Variants in USP50 observed in about 807,000 individuals in gnomAD.
USP50 encodes ubiquitin carboxyl-terminal hydrolase 50.
USP50 carries 37 observed loss-of-function variants against 39.2 expected under a neutral mutation model. The ratio of observed to expected loss-of-function variants is 0.94; its 90% CI spans 0.73 to 1.24. The LOEUF (loss-of-function observed/expected upper bound fraction) is 1.24, where lower values mean the gene tolerates loss of function less well. Ranked by LOEUF, USP50 falls within the 50% of genes most tolerant of loss-of-function variation. USP50 has a pLI of 0.00. For synonymous variants in USP50, 139 were observed against 144.5 expected (o/e 0.96, Z 0.27); for missense variants, 374 against 398.2 (o/e 0.94, Z 0.52).
intron 6 of USP50, chr15:50,509,132 CAAAAAAAAAAAAAAAAAAA>C (rs57125859): frequency 2.4e-5 from 1 of 41,378 alleles, no homozygotes; most frequent in Non-Finnish European, 4.1e-5. Context: ...GACTCCGTCA[CAAAAAAAAAAAAAAAAAAA>C]AAAAAAAAAA....
chr15:50,541,567 T>C (rs1431210974), intron 3 of USP50, among the ~76,000 whole-genome samples: 1 of 152,092 alleles, frequency 6.6e-6, no homozygotes, highest in East Asian at 1.9e-4. Flanking sequence ...TCTATCAGAA[T>C]GAGACATTGC....
Position 50,533,788 on chromosome 15 carries a change from G to A in USP50, c.804-3859C>T, listed in dbSNP as rs143182826. Among the ~76,000 whole-genome samples, 413 of 152,276 alleles carry A rather than the reference G, an allele frequency of 2.7e-3. 4 individuals are homozygous for A. The highest frequency in any genetic ancestry group is 9.5e-3 in the African/African-American group (393 of 41,536). On this transcript the variant is annotated intron_variant, in intron 5 of 6. Coordinates refer to ENST00000532404, the MANE Select transcript of USP50 (RefSeq NM_203494.5). ...GGCCAAGGCAGGTGGATCACTTGAGGTCAGGAGTTCAAAACCACCCTGTTC... is the reference window on the plus strand; with the variant it reads ...GGCCAAGGCAGGTGGATCACTTGAGATCAGGAGTTCAAAACCACCCTGTTC...
Position 50,541,004 on chromosome 15 carries a change from TGA to T in USP50, c.660+43_660+44del, listed in dbSNP as rs761047450. ...AAACAGCCCCGAGAAAATCCGGGGC[TGA>T]GAGTATAGCGAGACAAAGTGTCCAG... is the stretch of plus-strand genomic sequence containing the variant. On this transcript the variant is annotated intron_variant, in intron 4 of 6. Coordinates refer to ENST00000532404, the MANE Select transcript of USP50 (RefSeq NM_203494.5). 5 of 1,473,324 alleles carry T rather than the reference TGA, an allele frequency of 3.4e-6. No homozygotes were observed. The East Asian group carries it at 9.1e-5, about 27-fold the overall frequency. 91.3% of individuals were successfully genotyped at this position (1,473,324 alleles called of 1,614,324 possible).
intron 6 of USP50, among the ~76,000 whole-genome samples, chr15:50,516,412 A>C (rs1377071431): frequency 2.0e-5 from 3 of 152,096 alleles, no homozygotes; most frequent in Non-Finnish European, 4.4e-5. Flanking sequence ...CAGACTGCCC[A>C]AAGAGACCAG....
chr15:50,497,247 T>G (rs116360546), downstream of USP50: 3,016 of 1,593,092 alleles, frequency 1.9e-3, 52 homozygotes, highest in African/African-American at 0.038. Context: ...GGGGAAAGTT[T>G]GTCCTCCTGT....
chr15:50,495,043 C>T (rs1376591956), intron 1 of USP50, among the ~76,000 whole-genome samples: 1 of 151,430 alleles, frequency 6.6e-6, no homozygotes, highest in Non-Finnish European at 1.5e-5. Flanking sequence ...AAAAATTACT[C>T]CATGTAACCA....
intron 3 of USP50, among the ~76,000 whole-genome samples, chr15:50,542,178 G>A (rs970618002): frequency 2.0e-5 from 3 of 152,110 alleles, no homozygotes; most frequent in African/African-American, 7.2e-5. Flanking sequence ...TGAATTTTCA[G>A]TGATTTAAGA....
chr15:50,532,203 A>T (rs894357584), intron 5 of USP50: 1 of 456,164 alleles, frequency 2.2e-6, no homozygotes. Flanking sequence ...CACGGTAAAT[A>T]TTAGAGACAA....
At chr15:50,518,022 A>C (rs146825789) in intron 6 of USP50, among the ~76,000 whole-genome samples, 18 of 152,326 alleles carry the variant, frequency 1.2e-4, no homozygotes, top group African/African-American at 4.3e-4. Context: ...TCTAAGAGGG[A>C]AATTTATAGC....
chr15:50,493,078 A>G (rs1211963542), downstream of USP50: 3 of 772,196 alleles, frequency 3.9e-6, no homozygotes, highest in African/African-American at 3.4e-5. Context: ...TGGGAAGGCC[A>G]TCGTCTAGGT....
intron 6 of USP50, chr15:50,506,269 A>C (rs1173864915): frequency 6.6e-6 from 1 of 152,332 alleles, no homozygotes; most frequent in Admixed American, 6.5e-5. Flanking sequence ...GCACAGCAGG[A>C]AGCGAGCGGC....
downstream of USP50, chr15:50,497,826 T>G (rs2052476362): frequency 1.3e-5 from 2 of 152,154 alleles, no homozygotes; most frequent in Admixed American, 6.5e-5. Flanking sequence ...GAAAAACTTT[T>G]TAAAGGAAGT....
intron 1 of USP50, chr15:50,494,407 A>G (rs1211724890): frequency 2.7e-6 from 2 of 735,074 alleles, no homozygotes; most frequent in Non-Finnish European, 4.2e-6. Flanking sequence ...TAGTGACTGT[A>G]TAAGAGAATT....
At chr15:50,495,547 C>G (rs982250510) in intron 1 of USP50, among the ~76,000 whole-genome samples, 1 of 151,960 alleles carries the variant, frequency 6.6e-6, no homozygotes, top group African/African-American at 2.4e-5. Context: ...AGCAGTCCTC[C>G]TGCCTTGGCT....
chr15:50,543,533 GA>G, intron 3 of USP50, 64 bp downstream of exon 3: 1 of 1,471,764 alleles, frequency 6.8e-7, no homozygotes, highest in Non-Finnish European at 9.3e-7. Context: ...GTAAAAGAAT[GA>G]AAAATGGAAG....
chr15:50,526,539 A>G (rs985879147), intron 6 of USP50, among the ~76,000 whole-genome samples: 1 of 152,236 alleles, frequency 6.6e-6, no homozygotes, highest in African/African-American at 2.4e-5. Flanking sequence ...ATTTGAAGGA[A>G]CATGTATAAG....
Position 50,543,949 on chromosome 15 carries a change from G to T in USP50, c.249-156C>A, listed in dbSNP as rs76324528. ...AGGCCAATGCAGGAGGATAGCTTGA[G>T]CCCCCAGAAGGTCGAGGCTGCAGTG... On this transcript the variant is annotated intron_variant, in intron 2 of 6. Transcript: ENST00000532404. The T allele has an allele frequency of 2.3e-3, 1,533 of 680,018 alleles. 23 individuals are homozygous for T. In the African/African-American group the frequency reaches 0.026, roughly 11 times the overall value. 42.1% of individuals were successfully genotyped at this position (680,018 alleles called of 1,614,324 possible).
intron 6 of USP50, among the ~76,000 whole-genome samples, chr15:50,525,721 G>GTGTA (rs1271977764): frequency 3.6e-5 from 4 of 112,526 alleles, no homozygotes; most frequent in African/African-American, 1.0e-4. Context: ...ATATGTATAT[G>GTGTA]TATATATGTA....
chr15:50,529,667 A>C, intron 6 of USP50, 130 bp downstream of exon 6: 1 of 959,812 alleles, frequency 1.0e-6, no homozygotes, highest in Non-Finnish European at 1.5e-6. Flanking sequence ...CAAAGTGGAG[A>C]GTTTCCTGGT....
Sources: gnomAD v4.1 joint callset for allele counts (sites outside exome capture counted in the v4.1 genomes callset) on GRCh38, gnomAD v4.1.1 for gene constraint, MANE v1.5 for transcripts, NCBI Gene and HGNC (gene_info 2026-07-23, HGNC 2026-07-21) for gene names.